The following OTUD4 variants were observed in gnomAD, a reference collection of about 807,000 sequenced individuals.
The protein encoded by OTUD4 is OTU domain-containing protein 4.
OTUD4 carries 24 observed loss-of-function variants against 130.4 expected under a neutral mutation model. The ratio of observed to expected loss-of-function variants is 0.18; its 90% confidence interval spans 0.13 to 0.26. The LOEUF (loss-of-function observed/expected upper bound fraction) is 0.26, where lower values mean the gene tolerates loss of function less well. OTUD4 is among the 10% of genes least tolerant of loss of function. OTUD4 has a pLI of 1.00. For synonymous variants in OTUD4, 420 were observed against 472.5 expected, an observed-to-expected ratio of 0.89 and a Z score of 1.44; for missense variants, 1,031 against 1,329.4, an observed-to-expected ratio of 0.78 and a Z score of 3.49.
intron 18 of OTUD4, 94 bp downstream of exon 18, chr4:145,142,102 A>G: frequency 2.7e-6 from 3 of 1,092,728 alleles, no homozygotes; most frequent in Non-Finnish European, 4.1e-6. Context: ...CACACACCTA[A>G]TCCTGCTCAG....
intron 13 of OTUD4, among the ~76,000 whole-genome samples, chr4:145,150,007 G>A (rs996756856): frequency 1.3e-5 from 2 of 152,126 alleles, no homozygotes; most frequent in Non-Finnish European, 2.9e-5. Context: ...ATCTGCCTCT[G>A]GATACTTAGT....
chr4:145,162,591 T>C (rs1385500497), intron 6 of OTUD4, 49 bp downstream of exon 6: 1 of 949,852 alleles, frequency 1.1e-6, no homozygotes, highest in Middle Eastern at 2.2e-4. Context: ...AAAAAGACTG[T>C]ATAAGTTTAG....
rs762802035 is a variant in OTUD4 at position 145,159,562 on chromosome 4, C to G, written c.570G>C (p.Thr190=). 6.2e-7 allele frequency: 1 copy of G among 1,613,260 alleles called. No individual in the cohort carries two copies. ...TGTTATCTTCATCAGCTACTTCCAACGTGTCTAGTTCCATCACAATTTTAC... is the reference window on the plus strand; with the variant it reads ...TGTTATCTTCATCAGCTACTTCCAAGGTGTCTAGTTCCATCACAATTTTAC... ...DVSKIVMELD[T]LEVADEDNSE... Residue 190 remains threonine (T), a synonymous_variant, in exon 7 of 21, where the codon ACG becomes ACC. Coordinates refer to ENST00000447906, the MANE Select transcript of OTUD4 (RefSeq NM_001366057.1).
chr4:145,178,781 T>C (rs940884466), intron 1 of OTUD4, among the ~76,000 whole-genome samples: 1 of 152,126 alleles, frequency 6.6e-6, no homozygotes, highest in African/African-American at 2.4e-5. Flanking sequence ...AAGTAAAACA[T>C]TTACTCACAA....
chr4:145,138,560 G>C lies in OTUD4; in HGVS notation c.2215C>G (p.Pro739Ala). The change falls in exon 21 of 21, where the codon CCT (proline) becomes GCT (alanine). Residue 739 changes from proline to alanine, a missense_variant. Pro to Ala is a conservative substitution (Grantham distance 27). Coordinates refer to ENST00000447906, the MANE Select transcript of OTUD4 (RefSeq NM_001366057.1). ...GGATTATGAGGATAAACAGGGACAG[G>C]GACCTTTGGGTACATCCTGCAGGCT... Reference protein sequence around the residue: ...LAACRMYPKVPVPVYPHNPWF... With the variant: ...LAACRMYPKVAVPVYPHNPWF... 1 of 1,614,088 alleles carries C rather than the reference G, an allele frequency of 6.2e-7. No individual in the cohort carries two copies. The highest frequency in any genetic ancestry group is 8.5e-7 in the Non-Finnish European group (1 of 1,179,994).
At chr4:145,156,401 C>G (rs1257804442) in intron 7 of OTUD4, among the ~76,000 whole-genome samples, 1 of 152,126 alleles carries the variant, frequency 6.6e-6, no homozygotes, top group East Asian at 1.9e-4. Context: ...TACTCTACAT[C>G]AGCCGGCCAT....
chr4:145,168,485 A>G (rs921267541), intron 3 of OTUD4, among the ~76,000 whole-genome samples: 6 of 151,856 alleles, frequency 4.0e-5, no homozygotes, highest in Non-Finnish European at 8.8e-5. Flanking sequence ...CACATATCCA[A>G]TACAGGACTT....
chr4:145,144,127 T>G, intron 15 of OTUD4, 126 bp from the exon 16 acceptor site: 1 of 1,044,796 alleles, frequency 9.6e-7, no homozygotes, highest in Non-Finnish European at 1.4e-6. Flanking sequence ...AGTGAAAATG[T>G]AGTTTTTAGA....
intron 2 of OTUD4, among the ~76,000 whole-genome samples, chr4:145,173,996 G>T (rs1376196546): frequency 6.6e-6 from 1 of 150,422 alleles, no homozygotes; most frequent in South Asian, 2.1e-4. Context: ...TTTTTACACT[G>T]CAAGTCTGAA....
Position 145,144,357 on chromosome 4 carries a change from T to G in OTUD4, c.1500A>C (p.Arg500Ser). The change falls in exon 15 of 21, where the codon AGA (arginine) becomes AGC (serine). Residue 500 changes from arginine (R) to serine (S), a missense_variant. By Grantham distance (110) the Arg-to-Ser change is moderately radical (BLOSUM62 -1). This residue lies in a region of OTUD4 where 900 missense variants were observed against 1,095.9 expected (regional missense o/e 0.82). Transcript: ENST00000447906. ...VQRKSSHVGD[R>S]KGSRRRMDTE... ...TATCCATTCTCCGCCTGCTTCCTTT[T>G]CTATCACCTACATGTGATGATTTTC... 6 of 1,612,786 alleles carry G rather than the reference T, an allele frequency of 3.7e-6. No homozygotes were observed. The highest frequency in any genetic ancestry group is 5.1e-6 in the Non-Finnish European group (6 of 1,179,324).
Position 145,138,139 on chromosome 4 carries a change from T to G in OTUD4, c.2636A>C (p.Asn879Thr). ...TTTTTCATCAGAGGGCAGGACAATATTCTGCCTCATTACTGGATTTTCTAT... is the reference window on the plus strand; with the variant it reads ...TTTTTCATCAGAGGGCAGGACAATAGTCTGCCTCATTACTGGATTTTCTAT... ...GFIENPVMRQ[N>T]IVLPSDEKGE... Residue 879 changes from asparagine to threonine, a missense_variant, in exon 21 of 21, where the codon AAT becomes ACT. This residue lies in a region of OTUD4 where 900 missense variants were observed against 1,095.9 expected (regional missense o/e 0.82). Coordinates refer to ENST00000447906, the MANE Select transcript of OTUD4 (RefSeq NM_001366057.1). 6.2e-7 allele frequency: 1 copy of G among 1,614,022 alleles called. No homozygotes were observed. Among genetic ancestry groups the G allele is most frequent in the South Asian group, 1.1e-5 (1 of 91,084 alleles).
At chr4:145,164,862 C>T (rs1025416235) in intron 4 of OTUD4, among the ~76,000 whole-genome samples, 1 of 152,060 alleles carries the variant, frequency 6.6e-6, no homozygotes, top group Non-Finnish European at 1.5e-5. Flanking sequence ...ATACCACTGA[C>T]CCTGAGAAAG....
intron 14 of OTUD4, among the ~76,000 whole-genome samples, chr4:145,145,455 G>C (rs1422605791): frequency 6.6e-6 from 1 of 152,116 alleles, no homozygotes; most frequent in East Asian, 1.9e-4. Context: ...AGTCCACAGA[G>C]ACCAGAAGAC....
rs1459003189 is a variant in OTUD4, at chr4:145,150,916, G to C, written c.969-11C>G. 6.4e-7 allele frequency: 1 copy of C among 1,571,508 alleles called. No individual in the cohort carries two copies. The highest frequency in any genetic ancestry group is 1.7e-5 in the Admixed American group (1 of 57,984). ...TTCTTTGATGTGTGCCTTCAAAGGG[G>C]AAAAGACTTGTGATAGCTTAAAATA... On this transcript the variant is annotated splice_polypyrimidine_tract_variant and intron_variant, in intron 11 of 20. Transcript: ENST00000447906.
chr4:145,153,828 A>G (rs377331265), intron 10 of OTUD4, among the ~76,000 whole-genome samples: 2 of 152,316 alleles, frequency 1.3e-5, no homozygotes, highest in East Asian at 3.9e-4. Context: ...TTTTCCTTCA[A>G]AAGTTTCACA....
intron 13 of OTUD4, chr4:145,149,516 A>G (rs1221735853): frequency 6.6e-6 from 1 of 152,126 alleles, no homozygotes; most frequent in Non-Finnish European, 1.5e-5. Context: ...CATAAAACAT[A>G]TTTTTTTCTT....
intron 1 of OTUD4, 26 bp downstream of exon 1, chr4:145,179,787 GAA>G: frequency 6.1e-6 from 2 of 329,938 alleles, no homozygotes; most frequent in Non-Finnish European, 9.1e-6. Flanking sequence ...GCCTCCCCTC[GAA>G]GCCCTCCCCG....
At chr4:145,165,482 CTTT>C (rs895997652) in intron 3 of OTUD4, among the ~76,000 whole-genome samples, 1 of 146,130 alleles carries the variant, frequency 6.8e-6, no homozygotes, top group East Asian at 2.0e-4. Context: ...TAAGTTGAGA[CTTT>C]TTTTTTTTTG....
At chr4:145,173,078 C>T (rs1389225744) in intron 2 of OTUD4, among the ~76,000 whole-genome samples, 2 of 152,220 alleles carry the variant, frequency 1.3e-5, no homozygotes, top group Non-Finnish European at 2.9e-5. Context: ...CTTTCAACCT[C>T]TGATCATACC....
Sources: gnomAD v4.1 joint callset for allele counts (sites outside exome capture counted in the v4.1 genomes callset) on GRCh38, gnomAD v4.1.1 for gene constraint, gnomAD v4.1.1 regional missense constraint, MANE v1.5 for transcripts, NCBI Gene and HGNC (gene_info 2026-07-23, HGNC 2026-07-21) for gene names.